OTOP1: variants seen among roughly 807,000 people sequenced by gnomAD.
The protein encoded by OTOP1 is proton channel OTOP1.
Under a neutral mutation model 52.9 loss-of-function variants are expected in OTOP1, and 59 were observed. That is an observed-to-expected ratio of 1.12 (90% CI 0.91 to 1.39). The LOEUF (loss-of-function observed/expected upper bound fraction) is 1.39. OTOP1 is among the 40% of genes most tolerant of loss of function. OTOP1 has a pLI of 0.00. For synonymous variants in OTOP1, 317 were observed against 337.7 expected (o/e 0.94, Z 0.67); for missense variants, 761 against 800.9 (o/e 0.95, Z 0.60).
intron 1 of OTOP1, among the ~76,000 whole-genome samples, chr4:4,220,086 T>TATATATATATATATATAC (rs1717263188): frequency 5.4e-5 from 5 of 92,174 alleles, no homozygotes; most frequent in African/African-American, 2.4e-4. Flanking sequence ...TATACATATA[T>TATATATATATATATATAC]ATATATATAT....
Position 4,198,087 on chromosome 4 carries a change from T to G in OTOP1, c.747A>C (p.Thr249=). 6.2e-7 allele frequency: 1 copy of G among 1,613,090 alleles called. No homozygotes were observed. The highest frequency in any genetic ancestry group is 8.5e-7 in the Non-Finnish European group (1 of 1,179,134). The change falls in exon 5 of 6, where the codon ACA becomes ACC. Residue 249 remains threonine (T), a synonymous_variant. Coordinates refer to ENST00000296358, the MANE Select transcript of OTOP1 (RefSeq NM_177998.3). The part of the protein sequence containing the change: ...GNITTVLDDH[T]PQCNCTPPTL... ...TTGGGGGCGTGCAGTTACACTGCGG[T>G]GTGTGGTCATCTAAAACTAGGGGAG...
rs35580858 is a variant in OTOP1, at chr4:4,223,409, AGATGGATG to A, written c.403+3045_403+3052del. Reference sequence around the variant, plus strand: ...AACATGGATGGATGGATGGACGGACAGATGGATGGATGGATGGATGGATGGATGGATGG... The same window carrying A: ...AACATGGATGGATGGATGGACGGACAGATGGATGGATGGATGGATGGATGG... On this transcript the variant is annotated intron_variant, in intron 1 of 5. Coordinates refer to ENST00000296358, the MANE Select transcript of OTOP1 (RefSeq NM_177998.3). Among the ~76,000 whole-genome samples the A allele has an allele frequency of 3.7e-4, 55 of 149,110 alleles. No homozygotes were observed. In the East Asian group the frequency reaches 9.0e-3, roughly 24 times the overall value.
At position 4,226,317 on chromosome 4, in the gene OTOP1, A is replaced by C; in HGVS notation, c.403+145T>G. 5.0e-6 allele frequency: 4 copies of C among 804,210 alleles called. No homozygotes were observed. In the East Asian group the frequency reaches 1.0e-4, roughly 20 times the overall value. 49.8% of individuals were successfully genotyped at this position (804,210 alleles called of 1,614,324 possible). A position where few individuals can be genotyped will look rare whatever the true frequency, so the allele number is the denominator to read the frequency against. On this transcript the variant is annotated intron_variant, in intron 1 of 5. Coordinates refer to ENST00000296358, the MANE Select transcript of OTOP1 (RefSeq NM_177998.3). ...GAGAGAGAGGAAAGGAAGGGCAGAC[A>C]GGAAAGCTAGGAAAGATGCACAGAG...
At chr4:4,225,399 C>A (rs1717406176) in intron 1 of OTOP1, among the ~76,000 whole-genome samples, 1 of 152,110 alleles carries the variant, frequency 6.6e-6, no homozygotes, top group Non-Finnish European at 1.5e-5. Flanking sequence ...GAGGCCCTAT[C>A]TGTACAAAAT....
intron 5 of OTOP1, among the ~76,000 whole-genome samples, chr4:4,192,217 T>A (rs969993074): frequency 3.3e-5 from 5 of 151,850 alleles, no homozygotes; most frequent in Non-Finnish European, 5.9e-5. Flanking sequence ...AAGTACGGAG[T>A]CCGACCACCC....
chr4:4,220,029 G>A (rs9799497), intron 1 of OTOP1, among the ~76,000 whole-genome samples: 100,074 of 129,700 alleles, frequency 0.77, 39,282 homozygotes, highest in African/African-American at 0.91. Context: ...ATGTATATAC[G>A]TATATATGTA....
chr4:4,194,145 T>C (rs1020466098), intron 5 of OTOP1, among the ~76,000 whole-genome samples: 3 of 152,304 alleles, frequency 2.0e-5, no homozygotes, highest in South Asian at 2.1e-4. Flanking sequence ...GCCAAGATCA[T>C]GCCATTGCAC....
At chr4:4,198,730 A>G (rs1231096637) in intron 4 of OTOP1, among the ~76,000 whole-genome samples, 1 of 152,174 alleles carries the variant, frequency 6.6e-6, no homozygotes, top group African/African-American at 2.4e-5. Flanking sequence ...CTGGAAGAGA[A>G]GCTGGCTGCG....
chr4:4,216,548 T>C (rs1008654011), intron 1 of OTOP1, among the ~76,000 whole-genome samples: 17 of 152,188 alleles, frequency 1.1e-4, no homozygotes, highest in African/African-American at 4.8e-5. Flanking sequence ...TGAAAAGTAA[T>C]GCAATCGCCT....
At chr4:4,214,966 CA>C (rs140167868) in intron 1 of OTOP1, among the ~76,000 whole-genome samples, 2,106 of 152,078 alleles carry the variant, frequency 0.014, 47 homozygotes, top group African/African-American at 0.048. Context: ...CATGTTTTAC[CA>C]CAATTAAAAA....
In OTOP1 at chr4:4,224,622, T is replaced by G. The variant is rs1717384661; in HGVS notation, c.403+1840A>C. Among the ~76,000 whole-genome samples the G allele has an allele frequency of 2.0e-5, 3 of 152,058 alleles. No individual in the cohort carries two copies. The South Asian group carries it at 6.2e-4, about 32-fold the overall frequency. On this transcript the variant is annotated intron_variant, in intron 1 of 5. Coordinates refer to ENST00000296358, the MANE Select transcript of OTOP1 (RefSeq NM_177998.3). ...ACCAGATTCACTGTCATTCACAGAG[T>G]CACAAAACCATTAACTTCCCTAAAA... is the stretch of plus-strand genomic sequence containing the variant.
At chr4:4,191,860 C>T (rs1716516877) in intron 5 of OTOP1, among the ~76,000 whole-genome samples, 1 of 152,014 alleles carries the variant, frequency 6.6e-6, no homozygotes, top group African/African-American at 2.4e-5. Flanking sequence ...CATAGCAGTC[C>T]CTGAACCTCT....
At chr4:4,202,802 TTGCCAGTACTCAACTCAA>T (rs1444674425) in intron 3 of OTOP1, among the ~76,000 whole-genome samples, 1 of 152,216 alleles carries the variant, frequency 6.6e-6, no homozygotes, top group African/African-American at 2.4e-5. Context: ...AGTCTTGAAC[TTGCCAGTACTCAACTCAA>T]TGCCTATAGG....
intron 1 of OTOP1, among the ~76,000 whole-genome samples, chr4:4,213,688 C>A (rs1717072980): frequency 6.6e-6 from 1 of 152,238 alleles, no homozygotes; most frequent in Non-Finnish European, 1.5e-5. Flanking sequence ...TATGTCTATA[C>A]CTCATTGTAT....
chr4:4,218,134 G>A (rs1364362461), intron 1 of OTOP1, among the ~76,000 whole-genome samples: 1 of 152,080 alleles, frequency 6.6e-6, no homozygotes, highest in East Asian at 1.9e-4. Flanking sequence ...GCTCATACCT[G>A]TAATCCCAGT....
At chr4:4,225,410 A>G (rs1468311178) in intron 1 of OTOP1, among the ~76,000 whole-genome samples, 1 of 152,188 alleles carries the variant, frequency 6.6e-6, no homozygotes, top group African/African-American at 2.4e-5. Flanking sequence ...TGTACAAAAT[A>G]TAACAAAACT....
chr4:4,193,413 G>A (rs1157151938), intron 5 of OTOP1, among the ~76,000 whole-genome samples: 8 of 152,150 alleles, frequency 5.3e-5, no homozygotes, highest in Admixed American at 5.2e-4. Flanking sequence ...ACATTTCCAT[G>A]TCCGTCTCTG....
chr4:4,197,147 A>T lies in OTOP1; in HGVS notation c.1668+19T>A, dbSNP rs1321791773. The T allele has an allele frequency of 1.9e-6, 3 of 1,574,642 alleles. No individual in the cohort carries two copies. Among genetic ancestry groups the T allele is most frequent in the East Asian group, 2.2e-5 (1 of 44,462 alleles). ...TTAAAGTAAAATTAAAAGAATAAGA[A>T]TAACTTGGTGCAGATTACCGAAATA... On this transcript the variant is annotated intron_variant, in intron 5 of 5. Coordinates refer to ENST00000296358, the MANE Select transcript of OTOP1 (RefSeq NM_177998.3).
Position 4,197,960 on chromosome 4 carries a change from T to A in OTOP1, c.874A>T (p.Ile292Phe). Reference protein sequence around the residue: ...STMLYVLWKNIGRKVDSHQHQ... With the variant: ...STMLYVLWKNFGRKVDSHQHQ... ...TGATGGCTGTCAACTTTGCGCCCGATGTTCTTCCACAGGACGTAGAGCATT... is the reference window on the plus strand; with the variant it reads ...TGATGGCTGTCAACTTTGCGCCCGAAGTTCTTCCACAGGACGTAGAGCATT... Residue 292 changes from isoleucine (I) to phenylalanine (F), a missense_variant, in exon 5 of 6, where the codon ATC (isoleucine) becomes TTC (phenylalanine). Coordinates refer to ENST00000296358, the MANE Select transcript of OTOP1 (RefSeq NM_177998.3). 2.5e-6 allele frequency: 4 copies of A among 1,613,968 alleles called. No individual in the cohort carries two copies. Among genetic ancestry groups the A allele is most frequent in the Non-Finnish European group, 3.4e-6 (4 of 1,180,014 alleles).
Sources: gnomAD v4.1 joint callset for allele counts (sites outside exome capture counted in the v4.1 genomes callset) on GRCh38, gnomAD v4.1.1 for gene constraint, MANE v1.5 for transcripts, NCBI Gene and HGNC (gene_info 2026-07-23, HGNC 2026-07-21) for gene names.